FXN: variants seen among roughly 807,000 people sequenced by gnomAD.
The protein encoded by FXN is frataxin, mitochondrial.
Under a neutral mutation model 22.4 loss-of-function variants are expected in FXN, and 14 were observed. The ratio of observed to expected loss-of-function variants is 0.62; its 90% CI spans 0.41 to 0.98. The LOEUF (loss-of-function observed/expected upper bound fraction) is 0.98, where lower values mean the gene tolerates loss of function less well. FXN is among the 50% of genes least tolerant of loss of function. The pLI, the probability that FXN is intolerant of heterozygous loss-of-function variation, is 0.00. For missense variants in FXN, 267 were observed against 268.4 expected (o/e 0.99, Z 0.04); for synonymous variants, 120 against 114.1 (o/e 1.05, Z -0.33).
chr9:69,061,009 G>A (rs1339714331), intron 3 of FXN, among the ~76,000 whole-genome samples: 1 of 152,188 alleles, frequency 6.6e-6, no homozygotes, highest in Admixed American at 6.5e-5. Context: ...CAGGGTAGAG[G>A]TGAGTGGGTC....
chr9:69,072,671 C>G lies in FXN; in HGVS notation c.542C>G (p.Ser181Cys), dbSNP rs568327835. 3.7e-6 allele frequency: 6 copies of G among 1,614,196 alleles called. 1 individual carries two copies. In the East Asian group the frequency reaches 8.9e-5, roughly 24 times the overall value. ...KNWVYSHDGV[S>C]LHELLAAELT... ...TGGGTGTACTCCCACGACGGCGTGTCCCTCCATGAGCTGCTGGCCGCAGAG... is the reference window on the plus strand; with the variant it reads ...TGGGTGTACTCCCACGACGGCGTGTGCCTCCATGAGCTGCTGGCCGCAGAG... Residue 181 changes from serine to cysteine, a missense_variant, in exon 5 of 5, where the codon TCC becomes TGC. By Grantham distance (112) the Ser-to-Cys change is moderately radical (BLOSUM62 -1). Coordinates refer to ENST00000484259, the MANE Select transcript of FXN (RefSeq NM_000144.5).
intron 4 of FXN, among the ~76,000 whole-genome samples, chr9:69,066,398 C>G (rs1832166348): frequency 6.6e-6 from 1 of 152,094 alleles, no homozygotes; most frequent in African/African-American, 2.4e-5. Context: ...TTTCCTTTCC[C>G]CACACTTTCA....
Position 69,077,192 on chromosome 9 carries a change from G to A in FXN, c.*4430G>A, listed in dbSNP as rs577112663. On this transcript the variant is annotated 3_prime_UTR_variant, in exon 5 of 5. Transcript: ENST00000484259. ...CTCCCAAAGTGCTGGGATTACAGGCGTGAGCCACTGCACCCAGCCAGAAAT... is the reference window on the plus strand; with the variant it reads ...CTCCCAAAGTGCTGGGATTACAGGCATGAGCCACTGCACCCAGCCAGAAAT... 53 of 974,114 alleles carry A rather than the reference G, an allele frequency of 5.4e-5. No homozygotes were observed. The East Asian group carries it at 3.2e-3, about 59-fold the overall frequency. 60.3% of individuals were successfully genotyped at this position (974,114 alleles called of 1,614,324 possible). A position where few individuals can be genotyped will look rare whatever the true frequency, so the allele number is the denominator to read the frequency against.
rs371640567 is a variant in FXN at position 69,065,829 on chromosome 9, C to T, written c.482+794C>T. 7.2e-4 allele frequency among the ~76,000 whole-genome samples: 109 copies of T among 152,314 alleles called. 1 individual carries two copies. In the Middle Eastern group the frequency reaches 0.017, roughly 24 times the overall value. ...AGCGTTTGAACAAGTTGCACTTTGT[C>T]TTCAAAGCAAGTTAAAGTTTGACCT... is the stretch of plus-strand genomic sequence containing the variant. On this transcript the variant is annotated intron_variant, in intron 4 of 4. Transcript: ENST00000484259.
intron 2 of FXN, among the ~76,000 whole-genome samples, chr9:69,051,735 A>G (rs1389020222): frequency 6.6e-6 from 1 of 152,244 alleles, no homozygotes; most frequent in Non-Finnish European, 1.5e-5. Context: ...AATCTCCAAT[A>G]GATTTTAGAT....
intron 1 of FXN, 45 bp downstream of exon 1, chr9:69,035,992 C>A (rs1270803603): frequency 7.6e-7 from 1 of 1,311,142 alleles, no homozygotes; most frequent in Non-Finnish European, 9.7e-7. Context: ...ACGCCGCGGG[C>A]CGCACGCCGC....
At chr9:69,042,704 A>C (rs959982208) in intron 1 of FXN, among the ~76,000 whole-genome samples, 1 of 152,166 alleles carries the variant, frequency 6.6e-6, no homozygotes, top group Non-Finnish European at 1.5e-5. Context: ...ACACACACAC[A>C]CAAACAAAAA....
chr9:69,051,667 T>C (rs1489458664), intron 2 of FXN, among the ~76,000 whole-genome samples: 1 of 152,138 alleles, frequency 6.6e-6, no homozygotes, highest in African/African-American at 2.4e-5. Flanking sequence ...GTGAAGGACT[T>C]TCCCCCAGTA....
At chr9:69,046,629 T>C (rs569426914) in intron 2 of FXN, 147 bp downstream of exon 2, 117 of 688,752 alleles carry the variant, frequency 1.7e-4, no homozygotes, top group African/African-American at 1.7e-3. Flanking sequence ...TTTAATGAAA[T>C]AGTATTAGAT....
At chr9:69,058,407 C>A (rs548445521) in intron 3 of FXN, among the ~76,000 whole-genome samples, 32 of 151,880 alleles carry the variant, frequency 2.1e-4, no homozygotes, top group African/African-American at 7.5e-4. Flanking sequence ...CTTTTTTTTC[C>A]CAGGTGGAGT....
intron 3 of FXN, among the ~76,000 whole-genome samples, chr9:69,062,168 G>C (rs1434073164): frequency 6.6e-6 from 1 of 152,150 alleles, no homozygotes; most frequent in Non-Finnish European, 1.5e-5. Flanking sequence ...CTGAAGTGTG[G>C]TGGCGTGATC....
intron 2 of FXN, among the ~76,000 whole-genome samples, chr9:69,048,653 G>A (rs764480721): frequency 1.9e-4 from 29 of 151,572 alleles, no homozygotes; most frequent in Non-Finnish European, 2.8e-4. Context: ...GACTTTCCAC[G>A]TTTGTGCAGC....
intron 2 of FXN, 48 bp from the exon 3 acceptor site, chr9:69,053,092 A>G (rs755298863): frequency 4.4e-6 from 7 of 1,598,176 alleles, no homozygotes; most frequent in Non-Finnish European, 4.3e-6. Context: ...TATTAATAAA[A>G]TGGAAGCATT....
rs71353102 is a variant in FXN, at chr9:69,037,284, A to AAG, written c.165+1338_165+1339insGA. Among the ~76,000 whole-genome samples, 31 of 78,052 alleles carry AAG rather than the reference A, an allele frequency of 4.0e-4. 1 individual carries two copies. In the East Asian group the frequency reaches 7.4e-3, roughly 19 times the overall value. 51.2% of individuals were successfully genotyped at this position (78,052 alleles called of 152,430 possible). A position where few individuals can be genotyped will look rare whatever the true frequency, so the allele number is the denominator to read the frequency against. On this transcript the variant is annotated intron_variant, in intron 1 of 4. Transcript: ENST00000484259. ...ACTAAAAAATACAAAAAAAAAAAAAAAAGAAGAAGAAGAAGAAGAAAATAA... is the reference window on the plus strand; with the variant it reads ...ACTAAAAAATACAAAAAAAAAAAAAAAGAAGAAGAAGAAGAAGAAGAAAATAA...
At chr9:69,044,158 A>G (rs993019859) in intron 1 of FXN, among the ~76,000 whole-genome samples, 1 of 152,188 alleles carries the variant, frequency 6.6e-6, no homozygotes, top group African/African-American at 2.4e-5. Context: ...TTTCTCCTAT[A>G]AATAATTTGC....
At position 69,073,498 on chromosome 9, in the gene FXN, GC is replaced by G. The variant is rs1832311299; in HGVS notation, c.*738del. ...CAAAGACAAGAAAAGAGGAAAAAAAGCCGTTTTCATGAGCTGAGTGATGTAG... is the reference window on the plus strand; with the variant it reads ...CAAAGACAAGAAAAGAGGAAAAAAAGCGTTTTCATGAGCTGAGTGATGTAG... On this transcript the variant is annotated 3_prime_UTR_variant, in exon 5 of 5. Coordinates refer to ENST00000484259, the MANE Select transcript of FXN (RefSeq NM_000144.5). 1.0e-6 allele frequency: 1 copy of G among 985,432 alleles called. No homozygotes were observed. The highest frequency in any genetic ancestry group is 1.2e-6 in the Non-Finnish European group (1 of 829,980). The allele number at this position is 985,432 out of a possible 1,614,324, so 61.0% of individuals were successfully genotyped here.
rs1319354585 is a variant in FXN, at chr9:69,075,486, A to T, written c.*2724A>T. On this transcript the variant is annotated 3_prime_UTR_variant, in exon 5 of 5. Transcript: ENST00000484259. ...AATAAATAAATAAATAAATAAAGGGACTTCAAACACATGAACAGCAGCCAG... is the reference window on the plus strand; with the variant it reads ...AATAAATAAATAAATAAATAAAGGGTCTTCAAACACATGAACAGCAGCCAG... 1.0e-6 allele frequency: 1 copy of T among 982,642 alleles called. No homozygotes were observed. The allele number at this position is 982,642 out of a possible 1,614,324, so 60.9% of individuals were successfully genotyped here. A position where few individuals can be genotyped will look rare whatever the true frequency, so the allele number is the denominator to read the frequency against.
At chr9:69,057,734 T>C (rs1831986018) in intron 3 of FXN, among the ~76,000 whole-genome samples, 1 of 152,138 alleles carries the variant, frequency 6.6e-6, no homozygotes, top group Admixed American at 6.5e-5. Flanking sequence ...TTTCCTCCCC[T>C]GAGATATAGC....
Position 69,077,165 on chromosome 9 carries a change from G to A in FXN, c.*4403G>A, listed in dbSNP as rs1832386211. On this transcript the variant is annotated 3_prime_UTR_variant, in exon 5 of 5. Coordinates refer to ENST00000484259, the MANE Select transcript of FXN (RefSeq NM_000144.5). ...CTGACCTAGTAATCCACCTGCCTCC[G>A]CCTCCCAAAGTGCTGGGATTACAGG... is the stretch of plus-strand genomic sequence containing the variant. 5.9e-6 allele frequency: 5 copies of A among 848,256 alleles called. No individual in the cohort carries two copies. The highest frequency in any genetic ancestry group is 5.7e-6 in the Non-Finnish European group (4 of 705,140). 52.5% of individuals were successfully genotyped at this position (848,256 alleles called of 1,614,324 possible).
Sources: gnomAD v4.1 joint callset for allele counts (sites outside exome capture counted in the v4.1 genomes callset) on GRCh38, gnomAD v4.1.1 for gene constraint, MANE v1.5 for transcripts, NCBI Gene and HGNC (gene_info 2026-07-23, HGNC 2026-07-21) for gene names.